SYNPR: variants seen among roughly 807,000 people sequenced by gnomAD.
The protein encoded by SYNPR is synaptoporin.
SYNPR carries 23 observed loss-of-function variants against 32.9 expected under a neutral mutation model. That is an observed-to-expected ratio of 0.70 (90% CI 0.50 to 0.99). The LOEUF (loss-of-function observed/expected upper bound fraction) is 0.99, where lower values mean the gene tolerates loss of function less well. Ranked by LOEUF, SYNPR falls within the 50% of genes least tolerant of loss-of-function variation. The probability of loss-of-function intolerance (pLI) is 0.00; values close to 1 mark genes in which losing one functional copy is unlikely to be tolerated. For synonymous variants in SYNPR, 146 were observed against 135.9 expected (o/e 1.07, Z -0.52); for missense variants, 318 against 349.3 (o/e 0.91, Z 0.71).
chr3:63,570,723 C>A lies in SYNPR; in HGVS notation c.408+13982C>A, dbSNP rs184282788. On this transcript the variant is annotated intron_variant, in intron 4 of 5. Transcript: ENST00000478300. ...CTCCCAGCTCTGTGTAAAAATCATT[C>A]TTTGTGCAAATCCATTATTACCTTG... Among the ~76,000 whole-genome samples the A allele has an allele frequency of 4.9e-4, 74 of 152,258 alleles. No homozygotes were observed. The East Asian group carries it at 0.011, about 23-fold the overall frequency.
chr3:63,371,621 C>T (rs760121689), intron 2 of SYNPR, among the ~76,000 whole-genome samples: 9 of 152,236 alleles, frequency 5.9e-5, no homozygotes, highest in East Asian at 1.9e-4. Context: ...CTAGAAGGTG[C>T]GTGGTGATTT....
intron 2 of SYNPR, among the ~76,000 whole-genome samples, chr3:63,402,836 A>G (rs1370681865): frequency 6.6e-6 from 1 of 152,230 alleles, no homozygotes; most frequent in Admixed American, 6.5e-5. Context: ...TGACATAGTC[A>G]TTGCAAGTGT....
At chr3:63,541,372 T>G (rs1307957753) in intron 3 of SYNPR, among the ~76,000 whole-genome samples, 2 of 152,036 alleles carry the variant, frequency 1.3e-5, no homozygotes, top group Non-Finnish European at 2.9e-5. Flanking sequence ...TTTCTTAACA[T>G]GGCTTCTTAT....
In SYNPR at chr3:63,615,329, G is replaced by A; in HGVS notation, c.706G>A (p.Glu236Lys). 6.2e-7 allele frequency: 1 copy of A among 1,613,888 alleles called. No individual in the cohort carries two copies. Among genetic ancestry groups the A allele is most frequent in the Non-Finnish European group, 8.5e-7 (1 of 1,179,874 alleles). ...ACAGAGATATCTTTCAGATCCAATG[G>A]AGAAGCACTCCAGCAGCTATAATCA... ...SGQRYLSDPM[E>K]KHSSSYNQGG... is the part of the protein sequence containing the mutation. The change falls in exon 6 of 6, where the codon GAG becomes AAG. Residue 236 changes from glutamate (E) to lysine (K), a missense_variant. Physicochemically the swap from Glu to Lys is moderately conservative, Grantham distance 56 (BLOSUM62 1). Transcript: ENST00000478300.
rs1283269521 is a variant in SYNPR at position 63,588,117 on chromosome 3, G to A, written c.409-21008G>A. Among the ~76,000 whole-genome samples the A allele has an allele frequency of 2.6e-5, 4 of 151,872 alleles. No individual in the cohort carries two copies. The East Asian group carries it at 7.7e-4, about 29-fold the overall frequency. On this transcript the variant is annotated intron_variant, in intron 4 of 5. Coordinates refer to ENST00000478300, the MANE Select transcript of SYNPR (RefSeq NM_001130003.2). Reference sequence around the variant, plus strand: ...AGAAAAAAACTTTGTTGTGTTATCTGTTTTTTAAAAAAATCAGTTTGTGTC... The same window carrying A: ...AGAAAAAAACTTTGTTGTGTTATCTATTTTTTAAAAAAATCAGTTTGTGTC...
At chr3:63,231,394 A>T (rs573997864) in intron 1 of SYNPR, among the ~76,000 whole-genome samples, 1 of 152,226 alleles carries the variant, frequency 6.6e-6, no homozygotes, top group East Asian at 1.9e-4. Context: ...TGCTCAGGTG[A>T]TGGGTGCACC....
At chr3:63,586,062 G>C (rs1163212643) in intron 4 of SYNPR, among the ~76,000 whole-genome samples, 1 of 152,070 alleles carries the variant, frequency 6.6e-6, no homozygotes, top group East Asian at 1.9e-4. Flanking sequence ...ATATTTTGAA[G>C]TCAGACTGAA....
chr3:63,510,236 A>G (rs1240483104), intron 3 of SYNPR, among the ~76,000 whole-genome samples: 1 of 152,206 alleles, frequency 6.6e-6, no homozygotes, highest in Non-Finnish European at 1.5e-5. Flanking sequence ...TAAAAGAAGC[A>G]GAACATTCAA....
intron 3 of SYNPR, among the ~76,000 whole-genome samples, chr3:63,524,383 C>T (rs1698801048): frequency 6.6e-6 from 1 of 152,122 alleles, no homozygotes; most frequent in African/African-American, 2.4e-5. Flanking sequence ...GCATGTGCTA[C>T]CCATATCCCC....
intron 4 of SYNPR, among the ~76,000 whole-genome samples, chr3:63,564,313 C>T (rs1034689532): frequency 1.3e-5 from 2 of 151,758 alleles, no homozygotes; most frequent in African/African-American, 4.8e-5. Context: ...TCTCCTGCCT[C>T]AGCCTCCCCA....
intron 3 of SYNPR, among the ~76,000 whole-genome samples, chr3:63,556,258 C>T (rs1302999976): frequency 6.6e-6 from 1 of 152,148 alleles, no homozygotes; most frequent in Non-Finnish European, 1.5e-5. Context: ...AGGGGGATGT[C>T]GTTGTCTAAT....
intron 3 of SYNPR, among the ~76,000 whole-genome samples, chr3:63,550,998 T>G (rs1296905442): frequency 6.6e-6 from 1 of 152,166 alleles, no homozygotes; most frequent in Non-Finnish European, 1.5e-5. Context: ...GCTTGGTACG[T>G]GTTCTTTCCT....
At chr3:63,376,901 A>G (rs2087902402) in intron 2 of SYNPR, among the ~76,000 whole-genome samples, 1 of 152,020 alleles carries the variant, frequency 6.6e-6, no homozygotes. Context: ...TTTATTCTCT[A>G]TTGTATTCCT....
intron 3 of SYNPR, among the ~76,000 whole-genome samples, chr3:63,485,823 A>G (rs923461406): frequency 1.3e-5 from 2 of 152,212 alleles, no homozygotes; most frequent in South Asian, 2.1e-4. Flanking sequence ...TCATTTGAGA[A>G]CAACTAAATA....
intron 2 of SYNPR, among the ~76,000 whole-genome samples, chr3:63,261,121 C>A (rs937523576): frequency 5.0e-4 from 76 of 152,146 alleles, no homozygotes; most frequent in African/African-American, 1.8e-3. Context: ...GTTGGTGGGA[C>A]TGCAAACTCG....
intron 2 of SYNPR, among the ~76,000 whole-genome samples, chr3:63,434,661 C>A (rs191510998): frequency 1.3e-5 from 2 of 152,276 alleles, no homozygotes; most frequent in Admixed American, 1.3e-4. Flanking sequence ...AAGTCTTAAT[C>A]CTTAATCATA....
chr3:63,347,701 G>C (rs893560764), intron 2 of SYNPR, among the ~76,000 whole-genome samples: 4 of 152,040 alleles, frequency 2.6e-5, no homozygotes, highest in African/African-American at 9.7e-5. Context: ...ACATCATATA[G>C]TTTCCAATTA....
intron 4 of SYNPR, among the ~76,000 whole-genome samples, chr3:63,604,824 A>G (rs569018438): frequency 3.3e-5 from 5 of 152,232 alleles, no homozygotes; most frequent in Non-Finnish European, 7.3e-5. Context: ...TGCCATGTGA[A>G]GTTTTGTTTG....
intron 4 of SYNPR, among the ~76,000 whole-genome samples, chr3:63,607,707 G>T (rs182322954): frequency 1.3e-5 from 2 of 152,276 alleles, no homozygotes; most frequent in East Asian, 3.9e-4. Context: ...ATTCACAACA[G>T]CCACTGGATG....
Sources: allele counts gnomAD v4.1 joint callset (sites outside exome capture counted in the v4.1 genomes callset), GRCh38; gene constraint gnomAD v4.1.1; transcripts MANE v1.5; gene names NCBI Gene and HGNC (gene_info 2026-07-23, HGNC 2026-07-21).